ZMAT4: variants seen among roughly 807,000 people sequenced by gnomAD.
ZMAT4 encodes zinc finger matrin-type 4, also known as zinc finger matrin-type protein 4.
A neutral mutation model predicts 28.7 loss-of-function variants in ZMAT4; 17 were observed. The observed-to-expected ratio is 0.59, with a 90% CI of 0.41 to 0.89. The LOEUF (loss-of-function observed/expected upper bound fraction) is 0.89. Ranked by LOEUF, ZMAT4 falls within the 40% of genes least tolerant of loss-of-function variation. The pLI is 0.00. For missense variants in ZMAT4, 240 were observed against 283.8 expected (o/e 0.85, Z 1.11); for synonymous variants, 117 against 109.2 (o/e 1.07, Z -0.44).
intron 1 of ZMAT4, among the ~76,000 whole-genome samples, chr8:40,889,358 C>A (rs1294862468): frequency 1.3e-5 from 2 of 152,220 alleles, no homozygotes; most frequent in African/African-American, 4.8e-5. Flanking sequence ...CATTTCACAT[C>A]TTAGTGAACA....
intron 1 of ZMAT4, among the ~76,000 whole-genome samples, chr8:40,887,170 C>CAAAA (rs35466634): frequency 1.6e-5 from 1 of 62,000 alleles, no homozygotes. Flanking sequence ...GACTCCGTCT[C>CAAAA]AAAAAAAAAA....
intron 2 of ZMAT4, among the ~76,000 whole-genome samples, chr8:40,772,930 C>A (rs538315001): frequency 1.3e-5 from 2 of 152,046 alleles, no homozygotes; most frequent in Non-Finnish European, 2.9e-5. Context: ...CCGGCTGATG[C>A]GAGATGAGGG....
At chr8:40,782,839 T>C (rs973584032) in intron 2 of ZMAT4, among the ~76,000 whole-genome samples, 2 of 152,210 alleles carry the variant, frequency 1.3e-5, no homozygotes, top group Non-Finnish European at 2.9e-5. Context: ...TTCACCATCA[T>C]TGGTCACTGG....
At chr8:40,893,344 G>A (rs1042244675) in intron 1 of ZMAT4, among the ~76,000 whole-genome samples, 2 of 152,178 alleles carry the variant, frequency 1.3e-5, no homozygotes, top group African/African-American at 4.8e-5. Context: ...AGAGAAGGTT[G>A]GAGCGGAAAG....
intron 4 of ZMAT4, among the ~76,000 whole-genome samples, chr8:40,675,688 T>C (rs537007120): frequency 2.0e-5 from 3 of 152,288 alleles, no homozygotes; most frequent in South Asian, 2.1e-4. Context: ...AATAAAGGAT[T>C]TGGCTAAGTG....
intron 2 of ZMAT4, chr8:40,786,932 C>T: frequency 3.1e-6 from 1 of 323,592 alleles, no homozygotes; most frequent in Non-Finnish European, 5.9e-6. Context: ...GAGTCTGTCT[C>T]TGAATATAAA....
chr8:40,726,113 G>T (rs1189587924), intron 3 of ZMAT4, among the ~76,000 whole-genome samples: 1 of 152,172 alleles, frequency 6.6e-6, no homozygotes, highest in African/African-American at 2.4e-5. Context: ...AATATGACAG[G>T]CTGGCACTTT....
chr8:40,740,588 T>C (rs879655095), intron 3 of ZMAT4, among the ~76,000 whole-genome samples: 1 of 152,240 alleles, frequency 6.6e-6, no homozygotes, highest in Non-Finnish European at 1.5e-5. Context: ...TTTTTATTGG[T>C]GTCAGAAACT....
intron 3 of ZMAT4, among the ~76,000 whole-genome samples, chr8:40,730,180 A>G (rs1811476880): frequency 6.6e-6 from 1 of 152,232 alleles, no homozygotes; most frequent in Non-Finnish European, 1.5e-5. Flanking sequence ...GTATTTTTAC[A>G]GTAAAATTTT....
chr8:40,555,241 A>G (rs1803496454), intron 6 of ZMAT4, among the ~76,000 whole-genome samples: 1 of 152,114 alleles, frequency 6.6e-6, no homozygotes, highest in African/African-American at 2.4e-5. Flanking sequence ...GGTTAATTCC[A>G]TATATTTGCG....
intron 5 of ZMAT4, chr8:40,674,350 T>C (rs528787279): frequency 5.1e-6 from 1 of 195,752 alleles, no homozygotes; most frequent in East Asian, 1.4e-4. Context: ...CACCTCAGCC[T>C]CCCATTCAGC....
chr8:40,613,892 A>G (rs991845092), intron 5 of ZMAT4, among the ~76,000 whole-genome samples: 2 of 152,188 alleles, frequency 1.3e-5, no homozygotes, highest in African/African-American at 4.8e-5. Flanking sequence ...CATGTGGCCA[A>G]TTTTGCCCCA....
intron 2 of ZMAT4, among the ~76,000 whole-genome samples, chr8:40,811,744 C>A (rs1815326313): frequency 6.6e-6 from 1 of 152,130 alleles, no homozygotes; most frequent in Non-Finnish European, 1.5e-5. Flanking sequence ...CATGTAAATG[C>A]AGGAACATGG....
intron 4 of ZMAT4, among the ~76,000 whole-genome samples, chr8:40,689,147 T>G (rs2150486736): frequency 6.6e-6 from 1 of 152,334 alleles, no homozygotes; most frequent in Non-Finnish European, 1.5e-5. Context: ...CGGAGGAGAC[T>G]TGGCCCATGA....
chr8:40,544,606 G>A (rs980691276), intron 6 of ZMAT4, among the ~76,000 whole-genome samples: 9 of 152,104 alleles, frequency 5.9e-5, no homozygotes, highest in African/African-American at 1.9e-4. Flanking sequence ...TTTTTTTCTA[G>A]TACAGTAAAC....
At chr8:40,851,147 T>C (rs748445228) in intron 1 of ZMAT4, among the ~76,000 whole-genome samples, 5 of 152,120 alleles carry the variant, frequency 3.3e-5, no homozygotes, top group Non-Finnish European at 7.4e-5. Flanking sequence ...GCCAACATGG[T>C]GAAACCCTGT....
chr8:40,771,541 A>G (rs1228633573), intron 2 of ZMAT4, among the ~76,000 whole-genome samples: 1 of 152,254 alleles, frequency 6.6e-6, no homozygotes, highest in Non-Finnish European at 1.5e-5. Flanking sequence ...AATGCTGTTA[A>G]TGTATACTGG....
At chr8:40,674,080 C>CT (rs59753899) in intron 5 of ZMAT4, among the ~76,000 whole-genome samples, 13,312 of 107,296 alleles carry the variant, frequency 0.12, 475 homozygotes, top group East Asian at 0.32. Context: ...TTTTTATCAT[C>CT]TTTTTTTTTT....
chr8:40,869,179 C>T (rs1221278984), intron 1 of ZMAT4, among the ~76,000 whole-genome samples: 1 of 152,176 alleles, frequency 6.6e-6, no homozygotes, highest in African/African-American at 2.4e-5. Flanking sequence ...TAAATATGAG[C>T]CATGCTTCTA....
Sources: gnomAD v4.1 joint callset for allele counts (sites outside exome capture counted in the v4.1 genomes callset) on GRCh38, gnomAD v4.1.1 for gene constraint, MANE v1.5 for transcripts, NCBI Gene and HGNC (gene_info 2026-07-23, HGNC 2026-07-21) for gene names.